Variants in PPP1R12B observed in about 807,000 individuals in gnomAD.
PPP1R12B encodes myosin phosphatase target subunit 2.
In PPP1R12B, 76 loss-of-function variants were observed where a neutral mutation model predicts 126.1. The ratio of observed to expected loss-of-function variants is 0.60; its 90% confidence interval spans 0.50 to 0.73. The LOEUF (loss-of-function observed/expected upper bound fraction) is 0.73. Ranked by LOEUF, PPP1R12B falls within the 30% of genes least tolerant of loss-of-function variation. The pLI, the probability that PPP1R12B is intolerant of heterozygous loss-of-function variation, is 0.00. For synonymous variants in PPP1R12B, 356 were observed against 434.7 expected, an observed-to-expected ratio of 0.82 and a Z score of 2.25; for missense variants, 1,052 against 1,205.1, an observed-to-expected ratio of 0.87 and a Z score of 1.88.
intron 4 of PPP1R12B, among the ~76,000 whole-genome samples, chr1:202,426,031 T>C (rs1438728140): frequency 6.6e-6 from 1 of 152,222 alleles, no homozygotes; most frequent in Non-Finnish European, 1.5e-5. Context: ...CGACCTCTTC[T>C]TGTGACCTGT....
Position 202,470,738 on chromosome 1 carries a change from T to C in PPP1R12B, c.1851-17795T>C, listed in dbSNP as rs185395092. On this transcript the variant is annotated intron_variant, in intron 13 of 23. Transcript: ENST00000608999. ...GTGAGACCTCATCTCTACAGAGAATTATAAAGAAAAAAAAATTTTAGCCAG... is the reference window on the plus strand; with the variant it reads ...GTGAGACCTCATCTCTACAGAGAATCATAAAGAAAAAAAAATTTTAGCCAG... Among the ~76,000 whole-genome samples the C allele has an allele frequency of 4.2e-4, 63 of 151,698 alleles. 1 individual carries two copies. The East Asian group carries it at 8.1e-3, about 20-fold the overall frequency.
At chr1:202,397,160 T>C (rs942449295) in intron 1 of PPP1R12B, among the ~76,000 whole-genome samples, 2 of 152,204 alleles carry the variant, frequency 1.3e-5, no homozygotes, top group African/African-American at 4.8e-5. Context: ...CCTTTCACTC[T>C]TCATTCCATT....
intron 1 of PPP1R12B, among the ~76,000 whole-genome samples, chr1:202,412,637 C>CT (rs199780608): frequency 0.014 from 2,109 of 152,306 alleles, 17 homozygotes; most frequent in Non-Finnish European, 0.022. Flanking sequence ...ATTGACCCAG[C>CT]TGTCCTGGCC....
chr1:202,433,623 C>T (rs1571993570), intron 8 of PPP1R12B, among the ~76,000 whole-genome samples: 1 of 152,234 alleles, frequency 6.6e-6, no homozygotes, highest in Admixed American at 6.5e-5. Context: ...CCTGAGCTTT[C>T]CTGCTTCTGA....
chr1:202,564,644 C>G (rs981382044), intron 21 of PPP1R12B, 97 bp downstream of exon 21: 3 of 929,766 alleles, frequency 3.2e-6, no homozygotes, highest in Admixed American at 4.8e-5. Flanking sequence ...AAGATAGAGT[C>G]AAGATCAGGC....
intron 1 of PPP1R12B, among the ~76,000 whole-genome samples, chr1:202,402,724 C>A (rs752744020): frequency 5.9e-5 from 9 of 152,102 alleles, no homozygotes; most frequent in Non-Finnish European, 1.0e-4. Flanking sequence ...AATTTTCTGT[C>A]CAAGGGGTCA....
intron 18 of PPP1R12B, among the ~76,000 whole-genome samples, chr1:202,513,223 C>T (rs1229486640): frequency 2.6e-5 from 4 of 152,172 alleles, no homozygotes; most frequent in Non-Finnish European, 5.9e-5. Flanking sequence ...ATCCGCCCGC[C>T]TCAGCCTCCC....
chr1:202,548,800 CTCTCTCTCTA>C (rs1027151616), intron 18 of PPP1R12B, among the ~76,000 whole-genome samples: 180 of 104,702 alleles, frequency 1.7e-3, no homozygotes, highest in East Asian at 8.0e-3. Flanking sequence ...CTCTCTCTCT[CTCTCTCTCTA>C]TATATATATA....
At chr1:202,361,054 C>G (rs892244489) in intron 1 of PPP1R12B, among the ~76,000 whole-genome samples, 1 of 151,984 alleles carries the variant, frequency 6.6e-6, no homozygotes, top group African/African-American at 2.4e-5. Flanking sequence ...CCACACCTGG[C>G]TAATTTTTTT....
intron 12 of PPP1R12B, among the ~76,000 whole-genome samples, chr1:202,445,543 A>T (rs1672119246): frequency 6.6e-6 from 1 of 152,236 alleles, no homozygotes; most frequent in Non-Finnish European, 1.5e-5. Flanking sequence ...TAAATTAAAT[A>T]TTGAAAACAT....
At chr1:202,515,588 A>G (rs969726251) in intron 18 of PPP1R12B, among the ~76,000 whole-genome samples, 10 of 152,094 alleles carry the variant, frequency 6.6e-5, no homozygotes, top group African/African-American at 2.4e-4. Context: ...TTTTGCACAC[A>G]GGATCTTGCT....
At chr1:202,410,659 C>T (rs1667267205) in intron 1 of PPP1R12B, among the ~76,000 whole-genome samples, 1 of 152,164 alleles carries the variant, frequency 6.6e-6, no homozygotes, top group African/African-American at 2.4e-5. Context: ...AGTGAGATCA[C>T]AGTGCTCTTT....
At chr1:202,425,814 A>C in intron 4 of PPP1R12B, 89 bp downstream of exon 4, 1 of 1,296,018 alleles carries the variant, frequency 7.7e-7, no homozygotes, top group Admixed American at 2.2e-5. Flanking sequence ...ATTTTCCGCT[A>C]TGACGTGTTT....
At chr1:202,462,697 C>G (rs751584037) in intron 13 of PPP1R12B, 14 of 914,544 alleles carry the variant, frequency 1.5e-5, no homozygotes, top group Non-Finnish European at 1.8e-5. Flanking sequence ...TCATTCAACC[C>G]TCCCTTGTTT....
intron 18 of PPP1R12B, among the ~76,000 whole-genome samples, chr1:202,553,776 C>T (rs1157003785): frequency 6.6e-6 from 1 of 152,146 alleles, no homozygotes; most frequent in South Asian, 2.1e-4. Flanking sequence ...TTAGAATCCT[C>T]TTCTCTGGGA....
chr1:202,497,539 A>G (rs188349161), intron 18 of PPP1R12B, among the ~76,000 whole-genome samples: 14 of 152,366 alleles, frequency 9.2e-5, no homozygotes, highest in Admixed American at 3.3e-4. Context: ...TTTTCAGAGT[A>G]TATTTAATAA....
Position 202,425,679 on chromosome 1 carries a change from A to T in PPP1R12B, c.655A>T (p.Thr219Ser). 1 of 1,613,962 alleles carries T rather than the reference A, an allele frequency of 6.2e-7. No individual in the cohort carries two copies. The highest frequency in any genetic ancestry group is 8.5e-7 in the Non-Finnish European group (1 of 1,179,852). ...EDVRQARSGA[T>S]ALHVAAAKGY... is the part of the protein sequence containing the mutation. Reference sequence around the variant, plus strand: ...TGTGAGGCAGGCTCGCTCAGGGGCTACAGCCCTTCATGTGGCTGCTGCCAA... The same window carrying T: ...TGTGAGGCAGGCTCGCTCAGGGGCTTCAGCCCTTCATGTGGCTGCTGCCAA... Residue 219 changes from threonine (T) to serine (S), a missense_variant, in exon 4 of 24, where the codon ACA (threonine) becomes TCA (serine). Transcript: ENST00000608999.
At position 202,590,165 on chromosome 1, in the gene PPP1R12B, A is replaced by C. The variant is rs1375142278; in HGVS notation, c.*9605A>C. ...CTTTGTAGAAATTGTTACTTTTCAA[A>C]TTCCCACTTCCCAGGGCCAGCCTCC... is the stretch of plus-strand genomic sequence containing the variant. On this transcript the variant is annotated 3_prime_UTR_variant, in exon 24 of 24. Coordinates refer to ENST00000608999, the MANE Select transcript of PPP1R12B (RefSeq NM_002481.4). The C allele has an allele frequency of 2.0e-5, 3 of 152,190 alleles. No homozygotes were observed. The highest frequency in any genetic ancestry group is 7.2e-5 in the African/African-American group (3 of 41,426). 9.4% of individuals were successfully genotyped at this position (152,190 alleles called of 1,614,324 possible). A position where few individuals can be genotyped will look rare whatever the true frequency, so the allele number is the denominator to read the frequency against.
intron 1 of PPP1R12B, among the ~76,000 whole-genome samples, chr1:202,396,444 A>G (rs1451422914): frequency 1.3e-5 from 2 of 152,160 alleles, no homozygotes; most frequent in East Asian, 1.9e-4. Context: ...TGTTTAATGA[A>G]TATTAATTCA....
Sources: gnomAD v4.1 joint callset for allele counts (sites outside exome capture counted in the v4.1 genomes callset) on GRCh38, gnomAD v4.1.1 for gene constraint, MANE v1.5 for transcripts, NCBI Gene and HGNC (gene_info 2026-07-23, HGNC 2026-07-21) for gene names.